Variants in LUZP2 observed in about 807,000 individuals in gnomAD.
LUZP2 encodes the protein leucine zipper protein 2.
In LUZP2, 52 loss-of-function variants were observed where a neutral mutation model predicts 51.6. The ratio of observed to expected loss-of-function variants is 1.01; its 90% CI spans 0.81 to 1.27. The LOEUF (loss-of-function observed/expected upper bound fraction) is 1.27. LUZP2 is among the 50% of genes most tolerant of loss of function. The pLI, the probability that LUZP2 is intolerant of heterozygous loss-of-function variation, is 0.00. For missense variants in LUZP2, 436 were observed against 395.4 expected (o/e 1.10, Z -0.87); for synonymous variants, 154 against 137.3 (o/e 1.12, Z -0.85).
Position 25,078,695 on chromosome 11 carries a change from T to C in LUZP2, c.*37T>C. 6.9e-7 allele frequency: 1 copy of C among 1,452,112 alleles called. No individual in the cohort carries two copies. Among genetic ancestry groups the C allele is most frequent in the Non-Finnish European group, 9.5e-7 (1 of 1,048,346 alleles). The allele number at this position is 1,452,112 out of a possible 1,614,324, so 90.0% of individuals were successfully genotyped here. On this transcript the variant is annotated 3_prime_UTR_variant, in exon 12 of 12. Transcript: ENST00000336930. ...CTGTGTTAAAAACGTCCATTTGCTATTGTCTTCATATTCTTTTTAGACCAC... is the reference window on the plus strand; with the variant it reads ...CTGTGTTAAAAACGTCCATTTGCTACTGTCTTCATATTCTTTTTAGACCAC...
chr11:24,623,563 A>G (rs567408140), intron 1 of LUZP2, among the ~76,000 whole-genome samples: 1 of 152,252 alleles, frequency 6.6e-6, no homozygotes, highest in Admixed American at 6.5e-5. Flanking sequence ...ATTGCCAAAC[A>G]TGCCAGGCAC....
chr11:24,867,173 A>G (rs1341434974), intron 5 of LUZP2, among the ~76,000 whole-genome samples: 1 of 152,150 alleles, frequency 6.6e-6, no homozygotes, highest in East Asian at 1.9e-4. Context: ...GGAAAGAGGA[A>G]GGATTCCTTT....
At chr11:24,507,259 G>A (rs1285288975) in intron 1 of LUZP2, among the ~76,000 whole-genome samples, 2 of 151,992 alleles carry the variant, frequency 1.3e-5, no homozygotes, top group African/African-American at 4.8e-5. Flanking sequence ...AGAAACTACA[G>A]CTCTAGTATT....
chr11:24,663,157 G>T (rs1457735818), intron 1 of LUZP2, among the ~76,000 whole-genome samples: 4 of 152,192 alleles, frequency 2.6e-5, no homozygotes, highest in South Asian at 2.1e-4. Flanking sequence ...GTTTGGATTT[G>T]TGTCCCTGCC....
chr11:24,638,191 T>C (rs1855167574), intron 1 of LUZP2, among the ~76,000 whole-genome samples: 1 of 151,866 alleles, frequency 6.6e-6, no homozygotes, highest in East Asian at 1.9e-4. Context: ...AAAAGATAGA[T>C]GTCTAATATG....
In LUZP2 at chr11:24,602,258, A is replaced by ATATGTGTATATATG. The variant is rs1271601230; in HGVS notation, c.62+104953_62+104954insTATGTGTATATATG. Among the ~76,000 whole-genome samples the ATATGTGTATATATG allele has an allele frequency of 9.6e-4, 138 of 143,766 alleles. 14 individuals carry two copies. The highest frequency in any genetic ancestry group is 3.4e-3 in the African/African-American group (131 of 38,850). The allele number at this position is 143,766 out of a possible 152,430, so 94.3% of individuals were successfully genotyped here. On this transcript the variant is annotated intron_variant, in intron 1 of 11. Transcript: ENST00000336930. ...TGTGTATATATGTATATATATGCAAACATATATGTACATACATATATACAC... is the reference window on the plus strand; with the variant it reads ...TGTGTATATATGTATATATATGCAAATATGTGTATATATGCATATATGTACATACATATATACAC...
chr11:24,617,492 G>C (rs1317730395), intron 1 of LUZP2, among the ~76,000 whole-genome samples: 1 of 152,128 alleles, frequency 6.6e-6, no homozygotes, highest in African/African-American at 2.4e-5. Flanking sequence ...TGAGATTTCA[G>C]TGATTCTTAG....
intron 1 of LUZP2, among the ~76,000 whole-genome samples, chr11:24,610,616 T>C (rs7112921): frequency 0.45 from 67,976 of 152,078 alleles, 18,072 homozygotes; most frequent in African/African-American, 0.75. Context: ...TGAGTGGTTC[T>C]ACTTAAAGAG....
At chr11:24,718,594 C>A (rs867785670) in intron 1 of LUZP2, among the ~76,000 whole-genome samples, 14 of 152,206 alleles carry the variant, frequency 9.2e-5, no homozygotes, top group African/African-American at 3.1e-4. Flanking sequence ...TCTGGAAGCA[C>A]AGGGCTCAGA....
At chr11:24,853,903 T>C (rs951805913) in intron 5 of LUZP2, among the ~76,000 whole-genome samples, 8 of 152,314 alleles carry the variant, frequency 5.3e-5, no homozygotes, top group African/African-American at 1.7e-4. Context: ...TGGAGTTTGC[T>C]GGAGGCACGC....
chr11:24,782,694 A>G (rs1451657760), intron 5 of LUZP2, among the ~76,000 whole-genome samples: 1 of 151,994 alleles, frequency 6.6e-6, no homozygotes, highest in Non-Finnish European at 1.5e-5. Context: ...GTGCCTGTCA[A>G]ATAGTAGGTA....
intron 5 of LUZP2, among the ~76,000 whole-genome samples, chr11:24,897,910 C>T (rs760940716): frequency 3.9e-5 from 6 of 151,946 alleles, no homozygotes; most frequent in Admixed American, 3.3e-4. Flanking sequence ...ACATGGATTC[C>T]TACGCTTTCT....
chr11:24,511,541 A>G (rs538474882), intron 1 of LUZP2, among the ~76,000 whole-genome samples: 4 of 152,320 alleles, frequency 2.6e-5, no homozygotes, highest in South Asian at 2.1e-4. Flanking sequence ...AGGGAATAGC[A>G]CTAAAATAGG....
intron 5 of LUZP2, chr11:24,832,088 C>G (rs116131604): frequency 6.6e-6 from 1 of 152,242 alleles, no homozygotes; most frequent in Non-Finnish European, 1.5e-5. Flanking sequence ...TCCCCCAAAA[C>G]TTTTACTTCT....
At chr11:24,656,265 C>T (rs1051420361) in intron 1 of LUZP2, among the ~76,000 whole-genome samples, 1 of 151,996 alleles carries the variant, frequency 6.6e-6, no homozygotes, top group African/African-American at 2.4e-5. Context: ...TCCATTCTAT[C>T]AATTTTCTAG....
chr11:24,988,917 A>C (rs2133922922), intron 9 of LUZP2, among the ~76,000 whole-genome samples: 1 of 151,978 alleles, frequency 6.6e-6, no homozygotes, highest in South Asian at 2.1e-4. Context: ...GTGTCCTCCA[A>C]GAAGACACAA....
chr11:24,807,458 C>G (rs1590564874), intron 5 of LUZP2, among the ~76,000 whole-genome samples: 1 of 48,154 alleles, frequency 2.1e-5, no homozygotes, highest in Non-Finnish European at 4.6e-5. Flanking sequence ...AAGACTCCAT[C>G]TCAAAAGAAA....
chr11:24,796,077 C>A (rs900590443), intron 5 of LUZP2, among the ~76,000 whole-genome samples: 3 of 152,038 alleles, frequency 2.0e-5, no homozygotes, highest in South Asian at 2.1e-4. Context: ...AATAAACAAG[C>A]AACTTTGTTT....
chr11:25,042,696 G>T (rs1324311198), intron 9 of LUZP2, among the ~76,000 whole-genome samples: 10 of 152,130 alleles, frequency 6.6e-5, no homozygotes, highest in African/African-American at 2.4e-4. Flanking sequence ...TCCATTCTAT[G>T]CCTCTCACAG....
Sources: gnomAD v4.1 joint callset for allele counts (sites outside exome capture counted in the v4.1 genomes callset) on GRCh38, gnomAD v4.1.1 for gene constraint, MANE v1.5 for transcripts, NCBI Gene and HGNC (gene_info 2026-07-23, HGNC 2026-07-21) for gene names.